THADA: variants seen among roughly 807,000 people sequenced by gnomAD.
The protein encoded by THADA is THADA armadillo repeat containing.
A neutral mutation model predicts 219.8 loss-of-function variants in THADA; 213 were observed. The ratio of observed to expected loss-of-function variants is 0.97; its 90% confidence interval spans 0.87 to 1.09. THADA has a LOEUF of 1.09. THADA is among the 50% of genes least tolerant of loss of function. The probability of loss-of-function intolerance (pLI) is 0.00; values close to 1 mark genes in which losing one functional copy is unlikely to be tolerated. For synonymous variants in THADA, 1,018 were observed against 828.9 expected (o/e 1.23, Z -3.92); for missense variants, 2,956 against 2,311.3 (o/e 1.28, Z -5.72).
intron 29 of THADA, among the ~76,000 whole-genome samples, chr2:43,355,129 C>T (rs958091806): frequency 6.6e-6 from 1 of 152,180 alleles, no homozygotes; most frequent in East Asian, 1.9e-4. Flanking sequence ...CATTCATCTG[C>T]TGATGGACAC....
At chr2:43,424,696 G>C (rs1678189495) in intron 28 of THADA, among the ~76,000 whole-genome samples, 1 of 152,120 alleles carries the variant, frequency 6.6e-6, no homozygotes, top group South Asian at 2.1e-4. Context: ...TGAACATTTT[G>C]GGGTAGCATG....
At chr2:43,367,119 A>G (rs921223283) in intron 29 of THADA, among the ~76,000 whole-genome samples, 4 of 152,222 alleles carry the variant, frequency 2.6e-5, no homozygotes, top group African/African-American at 9.6e-5. Context: ...TATATGAGGT[A>G]CCAAAGTAGT....
At chr2:43,544,525 T>A (rs893317084) in intron 20 of THADA, among the ~76,000 whole-genome samples, 6 of 152,220 alleles carry the variant, frequency 3.9e-5, no homozygotes, top group Admixed American at 3.3e-4. Flanking sequence ...TGTTCTTCCA[T>A]TTCCTTGTAT....
Position 43,552,283 on chromosome 2 carries a change from G to C in THADA, c.2731C>G (p.Leu911Val). 1 of 1,610,778 alleles carries C rather than the reference G, an allele frequency of 6.2e-7. No homozygotes were observed. The highest frequency in any genetic ancestry group is 8.5e-7 in the Non-Finnish European group (1 of 1,178,964). The change falls in exon 18 of 38, where the codon CTG (leucine) becomes GTG (valine). Residue 911 changes from leucine to valine, a missense_variant. By Grantham distance (32) the Leu-to-Val change is conservative. Coordinates refer to ENST00000405975, the MANE Select transcript of THADA (RefSeq NM_022065.5). ...GGAAATGCTGCTGCTGCCTGAAGCA[G>C]AGAATTTTCAGCCTGAGATACTTCT... ...EEEVSQAENS[L>V]LQAAAAFPMY...
intron 28 of THADA, among the ~76,000 whole-genome samples, chr2:43,413,342 A>G (rs566061173): frequency 6.6e-6 from 1 of 152,230 alleles, no homozygotes; most frequent in African/African-American, 2.4e-5. Context: ...CCGCCCCATC[A>G]CCAGTGAGGC....
intron 8 of THADA, among the ~76,000 whole-genome samples, chr2:43,579,913 T>C (rs981395963): frequency 3.3e-5 from 5 of 152,126 alleles, no homozygotes; most frequent in African/African-American, 1.2e-4. Context: ...GAAAGGAGGT[T>C]TGGTTTTCAG....
intron 36 of THADA, among the ~76,000 whole-genome samples, chr2:43,275,735 C>CAGAA (rs1489165594): frequency 6.6e-6 from 1 of 152,208 alleles, no homozygotes; most frequent in Non-Finnish European, 1.5e-5. Context: ...TCTTTCTAAC[C>CAGAA]TTCTAAGATA....
intron 15 of THADA, chr2:43,566,263 C>A: frequency 2.1e-6 from 1 of 486,926 alleles, no homozygotes; most frequent in Middle Eastern, 5.4e-4. Context: ...TTTCCGAAAC[C>A]AGACTGAGGC....
At chr2:43,438,308 A>G (rs555384468) in intron 26 of THADA, among the ~76,000 whole-genome samples, 3 of 151,938 alleles carry the variant, frequency 2.0e-5, no homozygotes, top group South Asian at 4.2e-4. Context: ...TCAAAAAAAA[A>G]AAAAAAAAAA....
At chr2:43,395,910 C>T (rs531132089) in intron 29 of THADA, among the ~76,000 whole-genome samples, 3 of 152,240 alleles carry the variant, frequency 2.0e-5, no homozygotes, top group Admixed American at 1.3e-4. Context: ...GCGTGCACCA[C>T]CACACACAGT....
chr2:43,263,484 T>C lies in THADA; in HGVS notation c.5296+16281A>G, dbSNP rs575282151. Among the ~76,000 whole-genome samples the C allele has an allele frequency of 7.9e-5, 12 of 152,218 alleles. No individual in the cohort carries two copies. The South Asian group carries it at 1.0e-3, about 13-fold the overall frequency. On this transcript the variant is annotated intron_variant, in intron 36 of 37. Coordinates refer to ENST00000405975, the MANE Select transcript of THADA (RefSeq NM_022065.5). ...CTTATCCCTTCTTTCCTACCTAAAA[T>C]GTTGGGATGTATCCGAGGTATACAA...
At chr2:43,337,591 A>G (rs1666606268) in intron 30 of THADA, among the ~76,000 whole-genome samples, 1 of 152,146 alleles carries the variant, frequency 6.6e-6, no homozygotes, top group African/African-American at 2.4e-5. Flanking sequence ...TTTAGAAAAC[A>G]ATCTGGCAGT....
intron 30 of THADA, among the ~76,000 whole-genome samples, chr2:43,323,538 G>A (rs1054097949): frequency 6.6e-6 from 1 of 152,208 alleles, no homozygotes; most frequent in Admixed American, 6.5e-5. Flanking sequence ...CCCTGCTAAA[G>A]CAAGAGCCAT....
At chr2:43,243,919 A>G (rs1481530994) in intron 36 of THADA, among the ~76,000 whole-genome samples, 2 of 152,216 alleles carry the variant, frequency 1.3e-5, no homozygotes, top group Non-Finnish European at 2.9e-5. Context: ...AAAACCTATG[A>G]CTGCCTGATG....
chr2:43,308,253 G>A (rs894878764), intron 31 of THADA, among the ~76,000 whole-genome samples: 2 of 151,928 alleles, frequency 1.3e-5, no homozygotes, highest in Admixed American at 6.6e-5. Context: ...TGAATTTAGA[G>A]TCACAAAAGT....
rs371704833 is a variant in THADA, at chr2:43,549,202, C to A, written c.3106+8G>T. On this transcript the variant is annotated splice_region_variant and intron_variant, in intron 20 of 37. Transcript: ENST00000405975. ...CATGAATTACAGTATCCATTTTATA[C>A]AAGTTACCTTTGATTTCTGTAGAAG... 1.9e-6 allele frequency: 3 copies of A among 1,553,416 alleles called. No homozygotes were observed. The Admixed American group carries it at 6.4e-5, about 33-fold the overall frequency.
chr2:43,576,283 T>C (rs1699847852), intron 10 of THADA, among the ~76,000 whole-genome samples: 1 of 152,220 alleles, frequency 6.6e-6, no homozygotes, highest in Non-Finnish European at 1.5e-5. Context: ...TATCAAGCTG[T>C]ATATATGTTT....
chr2:43,380,007 G>T (rs1448739296), intron 29 of THADA, among the ~76,000 whole-genome samples: 1 of 152,218 alleles, frequency 6.6e-6, no homozygotes, highest in Non-Finnish European at 1.5e-5. Context: ...AAAAATCAGT[G>T]GTTGCCAGAG....
chr2:43,267,042 T>C (rs1671606044), intron 36 of THADA, among the ~76,000 whole-genome samples: 1 of 152,238 alleles, frequency 6.6e-6, no homozygotes, highest in African/African-American at 2.4e-5. Context: ...TTGCTCTGGG[T>C]AATGCAACTG....
Sources: gnomAD v4.1 joint callset for allele counts (sites outside exome capture counted in the v4.1 genomes callset) on GRCh38, gnomAD v4.1.1 for gene constraint, MANE v1.5 for transcripts, NCBI Gene and HGNC (gene_info 2026-07-23, HGNC 2026-07-21) for gene names.